The following RTL4 variants were observed in gnomAD, a reference collection of about 807,000 sequenced individuals.
RTL4 encodes the protein retrotransposon Gag-like protein 4.
In RTL4, 4 loss-of-function variants were observed where a neutral mutation model predicts 5.3. The ratio of observed to expected loss-of-function variants is 0.75; its 90% CI spans 0.37 to 1.72. The LOEUF (loss-of-function observed/expected upper bound fraction) is 1.72. RTL4 is among the 40% of genes most tolerant of loss of function. RTL4 has a pLI of 0.04. For missense variants in RTL4, 260 were observed against 227.1 expected, an observed-to-expected ratio of 1.14 and a Z score of -0.93; for synonymous variants, 98 against 87.3, an observed-to-expected ratio of 1.12 and a Z score of -0.68.
chrX:112,274,318 T>C, the RTL4 span, among the ~76,000 whole-genome samples: 1 of 111,770 alleles, frequency 8.9e-6, no homozygotes. Context: ...CAGGGGAGGA[T>C]GTCTTGCTAT....
the RTL4 span, among the ~76,000 whole-genome samples, chrX:112,156,656 G>A: frequency 1.8e-5 from 2 of 111,953 alleles, no homozygotes; most frequent in Non-Finnish European, 3.8e-5. Context: ...GCTGGAGTGG[G>A]TGGGGGTTGG....
the RTL4 span, among the ~76,000 whole-genome samples, chrX:112,244,090 T>A: frequency 4.5e-5 from 5 of 112,197 alleles, no homozygotes; most frequent in Admixed American, 2.8e-4. Flanking sequence ...TTCTTTTACA[T>A]TTGCTGAGGA....
chrX:112,226,925 A>AAAAATAAAAT, the RTL4 span, among the ~76,000 whole-genome samples: 148 of 99,942 alleles, frequency 1.5e-3, no homozygotes, highest in African/African-American at 5.4e-3. Context: ...CTCCGTCTCA[A>AAAAATAAAAT]AAAATAAAAT....
the RTL4 span, among the ~76,000 whole-genome samples, chrX:112,132,410 C>A: frequency 9.0e-6 from 1 of 111,250 alleles, no homozygotes; most frequent in Admixed American, 9.6e-5. Context: ...GGCATAAAGC[C>A]CATTCCACTC....
chrX:112,121,431 T>A, the RTL4 span, among the ~76,000 whole-genome samples: 2 of 112,020 alleles, frequency 1.8e-5, no homozygotes, highest in Admixed American at 1.9e-4. Flanking sequence ...GAAAGATAAC[T>A]AAATAAATTT....
chrX:112,222,866 C>A, the RTL4 span, among the ~76,000 whole-genome samples: 1 of 112,716 alleles, frequency 8.9e-6, no homozygotes, highest in African/African-American at 3.2e-5. Context: ...GTCTTGTTGC[C>A]AGTGAAAGAA....
At chrX:112,392,505 T>G in the RTL4 span, among the ~76,000 whole-genome samples, 1 of 111,657 alleles carries the variant, frequency 9.0e-6, no homozygotes, top group African/African-American at 3.3e-5. Flanking sequence ...AACACACTTG[T>G]AGGAGGTGGC....
At chrX:112,393,276 C>T in the RTL4 span, among the ~76,000 whole-genome samples, 3,545 of 106,900 alleles carry the variant, frequency 0.033, 165 homozygotes, top group African/African-American at 0.12. Context: ...CGGGTTCACG[C>T]GATTCTCCTG....
the RTL4 span, among the ~76,000 whole-genome samples, chrX:112,290,288 C>T: frequency 8.9e-6 from 1 of 112,037 alleles, no homozygotes; most frequent in Non-Finnish European, 1.9e-5. Flanking sequence ...GAGAAGGTTT[C>T]TTCGTCTTCA....
At chrX:112,084,523 T>A in the RTL4 span, among the ~76,000 whole-genome samples, 1 of 110,519 alleles carries the variant, frequency 9.0e-6, no homozygotes, top group Admixed American at 9.6e-5. Context: ...AAAAAATCAC[T>A]TGATTCTTTG....
chrX:112,341,419 C>T, the RTL4 span, among the ~76,000 whole-genome samples: 102 of 111,760 alleles, frequency 9.1e-4, no homozygotes, highest in African/African-American at 3.1e-3. Flanking sequence ...AACATGGTAC[C>T]AGAACCTCTG....
At chrX:112,286,534 A>C in the RTL4 span, among the ~76,000 whole-genome samples, 1 of 111,455 alleles carries the variant, frequency 9.0e-6, no homozygotes, top group Non-Finnish European at 1.9e-5. Flanking sequence ...GTGCTATTCC[A>C]ACAGTCTAGG....
chrX:112,437,789 AGTGGTGGTGGTGATGGTGGTG>A, the RTL4 span, among the ~76,000 whole-genome samples: 15 of 72,526 alleles, frequency 2.1e-4, no homozygotes, highest in Admixed American at 1.2e-3. Context: ...AAGTCATGGT[AGTGGTGGTGGTGATGGTGGTG>A]GTGGTGGTGG....
chrX:112,377,565 A>T, the RTL4 span, among the ~76,000 whole-genome samples: 123 of 112,088 alleles, frequency 1.1e-3, no homozygotes, highest in African/African-American at 3.8e-3. Flanking sequence ...AATACGTATG[A>T]CTTTCCACTA....
At chrX:112,153,728 C>T in the RTL4 span, among the ~76,000 whole-genome samples, 7 of 111,232 alleles carry the variant, frequency 6.3e-5, no homozygotes, top group Admixed American at 6.7e-4. Context: ...TATTTTTACA[C>T]AAAAAATAGG....
the RTL4 span, among the ~76,000 whole-genome samples, chrX:112,159,869 G>A: frequency 4.5e-5 from 5 of 110,738 alleles, no homozygotes; most frequent in East Asian, 5.8e-4. Context: ...CACTTGCAAC[G>A]CTCTTTCCCC....
At chrX:112,413,950 C>T in the RTL4 span, among the ~76,000 whole-genome samples, 2 of 110,703 alleles carry the variant, frequency 1.8e-5, no homozygotes, top group Admixed American at 1.9e-4. Flanking sequence ...AAGTGTCTCA[C>T]GAACCCCATA....
chrX:112,249,820 A>G, the RTL4 span, among the ~76,000 whole-genome samples: 2 of 108,462 alleles, frequency 1.8e-5, no homozygotes, highest in African/African-American at 3.4e-5. Context: ...TAACACATAT[A>G]TAGATAACAC....
At chrX:112,214,240 C>T in the RTL4 span, among the ~76,000 whole-genome samples, 2 of 111,400 alleles carry the variant, frequency 1.8e-5, no homozygotes, top group African/African-American at 6.5e-5. Context: ...TTTTGGATTC[C>T]TCTTATAAGT....
Sources: allele counts gnomAD v4.1 joint callset (sites outside exome capture counted in the v4.1 genomes callset), GRCh38; gene constraint gnomAD v4.1.1; transcripts MANE v1.5; gene names NCBI Gene and HGNC (gene_info 2026-07-23, HGNC 2026-07-21).